Variants in ASTN2 observed in about 807,000 individuals in gnomAD.
ASTN2 encodes the protein astrotactin 2.
In ASTN2, 54 loss-of-function variants were observed where a neutral mutation model predicts 139.8. The ratio of observed to expected loss-of-function variants is 0.39; its 90% CI spans 0.31 to 0.48. The LOEUF (loss-of-function observed/expected upper bound fraction) is 0.48. ASTN2 is among the 20% of genes least tolerant of loss of function. ASTN2 has a pLI of 0.95. For missense variants in ASTN2, 1,565 were observed against 1,725.1 expected, an observed-to-expected ratio of 0.91 and a Z score of 1.64; for synonymous variants, 756 against 719.5, an observed-to-expected ratio of 1.05 and a Z score of -0.81.
At chr9:117,247,725 G>A (rs1254390374) in intron 2 of ASTN2, among the ~76,000 whole-genome samples, 1 of 152,218 alleles carries the variant, frequency 6.6e-6, no homozygotes, top group African/African-American at 2.4e-5. Flanking sequence ...ATCTGGCTCT[G>A]CTTCCCTTCT....
At chr9:117,198,981 TG>T (rs1831608109) in intron 3 of ASTN2, among the ~76,000 whole-genome samples, 1 of 152,202 alleles carries the variant, frequency 6.6e-6, no homozygotes, top group Non-Finnish European at 1.5e-5. Context: ...TTGACAGGGT[TG>T]TTTTTTTCTT....
rs1182339649 is a variant in ASTN2, at chr9:116,618,466, C to T, written c.3213G>A (p.Arg1071=). Residue 1071 remains arginine, a synonymous_variant, in exon 19 of 23, where the codon CGG becomes CGA. Coordinates refer to ENST00000313400, the MANE Select transcript of ASTN2 (RefSeq NM_001365068.1). The stretch of plus-strand genomic sequence containing the variant: ...TGGAGGGCTCCACTGTTGGGGACAG[C>T]CGCAGCCTACAGGGAATAAAAAGGA... ...NCSPLLQPVL[R]LSPTVEPSST... is the part of the protein sequence containing the mutation. 1 of 1,610,852 alleles carries T rather than the reference C, an allele frequency of 6.2e-7. No homozygotes were observed. The highest frequency in any genetic ancestry group is 1.7e-5 in the Admixed American group (1 of 59,164).
At chr9:117,288,336 G>A (rs941772682) in intron 2 of ASTN2, among the ~76,000 whole-genome samples, 1 of 152,192 alleles carries the variant, frequency 6.6e-6, no homozygotes, top group Non-Finnish European at 1.5e-5. Flanking sequence ...TGGCTGAATG[G>A]GAGCTGGTTT....
chr9:117,060,240 G>T (rs1003390149), intron 5 of ASTN2, among the ~76,000 whole-genome samples: 1 of 150,788 alleles, frequency 6.6e-6, no homozygotes, highest in African/African-American at 2.5e-5. Flanking sequence ...GAACCTGGGA[G>T]GTGGAGTTTA....
At chr9:116,881,852 T>C (rs1486493825) in intron 10 of ASTN2, among the ~76,000 whole-genome samples, 2 of 152,218 alleles carry the variant, frequency 1.3e-5, no homozygotes, top group Admixed American at 1.3e-4. Context: ...GGAAATTAAA[T>C]AGTAGTAATT....
At chr9:117,198,331 C>T (rs1467920153) in intron 3 of ASTN2, among the ~76,000 whole-genome samples, 1 of 152,190 alleles carries the variant, frequency 6.6e-6, no homozygotes, top group East Asian at 1.9e-4. Flanking sequence ...CTTCCAGCTT[C>T]ATCCATGTCC....
intron 4 of ASTN2, among the ~76,000 whole-genome samples, chr9:117,128,591 G>A (rs1421605070): frequency 6.6e-6 from 1 of 152,070 alleles, no homozygotes; most frequent in African/African-American, 2.4e-5. Flanking sequence ...CAAGGAGTGG[G>A]TTTGTATCAG....
intron 3 of ASTN2, among the ~76,000 whole-genome samples, chr9:117,176,651 T>A (rs1830925471): frequency 6.6e-6 from 1 of 152,172 alleles, no homozygotes; most frequent in Non-Finnish European, 1.5e-5. Context: ...TAACTTACAG[T>A]GCCAGGTACA....
intron 1 of ASTN2, among the ~76,000 whole-genome samples, chr9:117,294,379 C>T (rs945388461): frequency 3.9e-5 from 6 of 152,174 alleles, no homozygotes; most frequent in Admixed American, 3.9e-4. Flanking sequence ...TCCGGACTTA[C>T]TTTATTACAA....
At chr9:117,134,033 G>A (rs1459040631) in intron 4 of ASTN2, among the ~76,000 whole-genome samples, 5 of 151,688 alleles carry the variant, frequency 3.3e-5, no homozygotes, top group South Asian at 4.2e-4. Flanking sequence ...CAAAAGGGGC[G>A]GTAAACCTAA....
intron 1 of ASTN2, among the ~76,000 whole-genome samples, chr9:117,350,495 A>C (rs528043181): frequency 1.8e-4 from 27 of 152,046 alleles, no homozygotes; most frequent in African/African-American, 6.5e-4. Context: ...TGGTGGTTGC[A>C]GTGAGCTGAG....
intron 3 of ASTN2, among the ~76,000 whole-genome samples, chr9:117,196,662 A>G (rs1026776868): frequency 1.3e-5 from 2 of 152,248 alleles, no homozygotes; most frequent in African/African-American, 4.8e-5. Context: ...AAAAGCTTGC[A>G]TACTGCACAC....
chr9:117,075,252 C>T (rs1246086136), intron 5 of ASTN2, among the ~76,000 whole-genome samples: 1 of 152,154 alleles, frequency 6.6e-6, no homozygotes, highest in Non-Finnish European at 1.5e-5. Flanking sequence ...GAGCCCAGCC[C>T]CTCTGACAAA....
intron 1 of ASTN2, among the ~76,000 whole-genome samples, chr9:117,299,564 A>G (rs909531505): frequency 3.3e-5 from 5 of 152,162 alleles, no homozygotes; most frequent in African/African-American, 1.2e-4. Context: ...AAGGTCACAA[A>G]TGTACAAAGG....
chr9:116,936,138 T>TTATC (rs1835066582), intron 10 of ASTN2, among the ~76,000 whole-genome samples: 1 of 1,416 alleles, frequency 7.1e-4, no homozygotes, highest in African/African-American at 2.2e-3. Context: ...CCACCACCAC[T>TTATC]GCCACCAATA....
intron 19 of ASTN2, among the ~76,000 whole-genome samples, chr9:116,537,125 G>T (rs1851668643): frequency 6.6e-6 from 1 of 152,204 alleles, no homozygotes; most frequent in Non-Finnish European, 1.5e-5. Flanking sequence ...AGCAATGAGT[G>T]AGGCTCCATG....
intron 10 of ASTN2, among the ~76,000 whole-genome samples, chr9:116,873,633 G>C (rs1833220960): frequency 6.6e-6 from 1 of 152,142 alleles, no homozygotes; most frequent in African/African-American, 2.4e-5. Flanking sequence ...TATCCCTGTT[G>C]ATATGGTTTG....
At chr9:116,891,856 T>C (rs1833770428) in intron 10 of ASTN2, among the ~76,000 whole-genome samples, 1 of 152,212 alleles carries the variant, frequency 6.6e-6, no homozygotes, top group Non-Finnish European at 1.5e-5. Flanking sequence ...TATGGGATTG[T>C]TGTGAGGATG....
chr9:117,125,086 A>G (rs1309134502), intron 4 of ASTN2, among the ~76,000 whole-genome samples: 1 of 152,246 alleles, frequency 6.6e-6, no homozygotes, highest in East Asian at 1.9e-4. Flanking sequence ...AAGGACTAGG[A>G]CAGATGTGTA....
Sources: allele counts gnomAD v4.1 joint callset (sites outside exome capture counted in the v4.1 genomes callset), GRCh38; gene constraint gnomAD v4.1.1; transcripts MANE v1.5; gene names NCBI Gene and HGNC (gene_info 2026-07-23, HGNC 2026-07-21).